Variants in COL4A2 observed in about 807,000 individuals in gnomAD.
COL4A2 encodes the protein collagen type IV alpha 2 chain.
In COL4A2, 99 loss-of-function variants were observed where a neutral mutation model predicts 200.2. The ratio of observed to expected loss-of-function variants is 0.49; its 90% CI spans 0.42 to 0.58. The LOEUF (loss-of-function observed/expected upper bound fraction) is 0.58, where lower values mean the gene tolerates loss of function less well. Among genes scored for constraint, COL4A2 ranks in the 20% least tolerant of loss-of-function variants. The pLI, the probability that COL4A2 is intolerant of heterozygous loss-of-function variation, is 0.00. For synonymous variants in COL4A2, 897 were observed against 900.6 expected, an observed-to-expected ratio of 1.00 and a Z score of 0.07; for missense variants, 1,950 against 2,314.1, an observed-to-expected ratio of 0.84 and a Z score of 3.23.
chr13:110,334,236 A>G (rs1009031023), intron 3 of COL4A2, among the ~76,000 whole-genome samples: 3 of 152,218 alleles, frequency 2.0e-5, no homozygotes, highest in Non-Finnish European at 1.5e-5. Context: ...CCTTCTTGAC[A>G]TTCAGAAAGG....
At chr13:110,401,460 A>G (rs1309053306) in intron 4 of COL4A2, among the ~76,000 whole-genome samples, 1 of 152,246 alleles carries the variant, frequency 6.6e-6, no homozygotes, top group Non-Finnish European at 1.5e-5. Context: ...CTCTGTTTAT[A>G]TGTTTGCCTA....
At chr13:110,314,225 T>A (rs944186088) in intron 3 of COL4A2, among the ~76,000 whole-genome samples, 1 of 152,256 alleles carries the variant, frequency 6.6e-6, no homozygotes, top group African/African-American at 2.4e-5. Flanking sequence ...AGGGACTCTC[T>A]GTACTATCTC....
At chr13:110,410,871 A>C (rs1879803441) in intron 4 of COL4A2, among the ~76,000 whole-genome samples, 1 of 152,160 alleles carries the variant, frequency 6.6e-6, no homozygotes, top group African/African-American at 2.4e-5. Flanking sequence ...TAGCACTTCA[A>C]ATCTGGTACT....
Position 110,428,472 on chromosome 13 carries a change from C to A in COL4A2, c.366C>A (p.His122Gln). The A allele has an allele frequency of 6.4e-7, 1 of 1,573,076 alleles. No individual in the cohort carries two copies. The highest frequency in any genetic ancestry group is 8.6e-7 in the Non-Finnish European group (1 of 1,164,554). ...GFPGADGIPG[H>Q]PGQGGPRGRP... ...CTCACTGCTCTCTTTCCCAGGGACACCCGGGGCAAGGTGGGCCCAGGGGAA... is the reference window on the plus strand; with the variant it reads ...CTCACTGCTCTCTTTCCCAGGGACAACCGGGGCAAGGTGGGCCCAGGGGAA... The change falls in exon 7 of 48, where the codon CAC (histidine) becomes CAA (glutamine). Residue 122 changes from histidine to glutamine, a missense_variant. His to Gln is a conservative substitution (Grantham distance 24). Around this residue, in one of 2 missense-constraint regions of COL4A2, gnomAD observed 565 missense variants for 593.5 expected, o/e 0.95. Coordinates refer to ENST00000360467, the MANE Select transcript of COL4A2 (RefSeq NM_001846.4).
intron 19 of COL4A2, 115 bp downstream of exon 19, chr13:110,449,904 A>G (rs1005208363): frequency 3.0e-5 from 36 of 1,187,078 alleles, no homozygotes; most frequent in Non-Finnish European, 4.1e-5. Flanking sequence ...ACTTTTCCCC[A>G]CTGACTAGTC....
intron 25 of COL4A2, 104 bp from the exon 26 acceptor site, chr13:110,465,899 G>A: frequency 7.3e-7 from 1 of 1,377,566 alleles, no homozygotes; most frequent in South Asian, 1.4e-5. Context: ...GCCCCCACCA[G>A]CAACATATAC....
At chr13:110,377,203 T>G (rs1157399993) in intron 4 of COL4A2, among the ~76,000 whole-genome samples, 5 of 152,004 alleles carry the variant, frequency 3.3e-5, no homozygotes, top group African/African-American at 1.2e-4. Flanking sequence ...GTCACCAGAG[T>G]GCATTGTCAG....
In COL4A2 at chr13:110,506,395, C is replaced by G. The variant is rs373472499; in HGVS notation, c.4403-20C>G. 6 of 1,598,772 alleles carry G rather than the reference C, an allele frequency of 3.8e-6. No homozygotes were observed. The highest frequency in any genetic ancestry group is 3.4e-6 in the Non-Finnish European group (4 of 1,173,238). Reference sequence around the variant, plus strand: ...GCAGGTGCACCAGGCCGTCCACTCTCTCTCTTTCTCGGGCTGCAGGTGCAC... The same window carrying G: ...GCAGGTGCACCAGGCCGTCCACTCTGTCTCTTTCTCGGGCTGCAGGTGCAC... On this transcript the variant is annotated intron_variant, in intron 45 of 47. Transcript: ENST00000360467.
In COL4A2 at chr13:110,473,134, C is replaced by A. The variant is rs780021950; in HGVS notation, c.2409C>A (p.Gly803=). 3 of 1,556,696 alleles carry A rather than the reference C, an allele frequency of 1.9e-6. No homozygotes were observed. Among genetic ancestry groups the A allele is most frequent in the African/African-American group, 1.4e-5 (1 of 73,416 alleles). Residue 803 remains glycine (G), a synonymous_variant, in exon 29 of 48, where the codon GGC becomes GGA. Coordinates refer to ENST00000360467, the MANE Select transcript of COL4A2 (RefSeq NM_001846.4). The part of the protein sequence containing the change: ...PGLKGLPGDR[G]PPGFRGSQGM... ...TTAAAGGCCTTCCCGGAGACAGAGG[C>A]CCCCCTGGATTCAGAGGTGAGTGCC... is the stretch of plus-strand genomic sequence containing the variant.
intron 4 of COL4A2, among the ~76,000 whole-genome samples, chr13:110,357,816 G>C (rs188757445): frequency 4.5e-4 from 68 of 152,320 alleles, no homozygotes; most frequent in African/African-American, 1.6e-3. Flanking sequence ...AAAAGGTACA[G>C]TAAAAAGAAA....
chr13:110,388,677 T>C lies in COL4A2; in HGVS notation c.180+31125T>C, dbSNP rs370352169. Among the ~76,000 whole-genome samples the C allele has an allele frequency of 9.8e-5, 15 of 152,344 alleles. No homozygotes were observed. In the South Asian group the frequency reaches 2.9e-3, roughly 29 times the overall value. On this transcript the variant is annotated intron_variant, in intron 4 of 47. Coordinates refer to ENST00000360467, the MANE Select transcript of COL4A2 (RefSeq NM_001846.4). ...ACCCCTCACATATACGAGGGTTTGATTAGCTCACTGATTGCAGTTTTACTA... is the reference window on the plus strand; with the variant it reads ...ACCCCTCACATATACGAGGGTTTGACTAGCTCACTGATTGCAGTTTTACTA...
rs368901436 is a variant in COL4A2 at position 110,489,803 on chromosome 13, C to A, written c.3346+18C>A. On this transcript the variant is annotated intron_variant, in intron 36 of 47. Transcript: ENST00000360467. ...AATACCAGGTACGCAAGTTATTTTCCTTGTCTTCATCTTCAACAACAGCCC... is the reference window on the plus strand; with the variant it reads ...AATACCAGGTACGCAAGTTATTTTCATTGTCTTCATCTTCAACAACAGCCC... The A allele has an allele frequency of 2.6e-5, 42 of 1,598,348 alleles. No homozygotes were observed. The African/African-American group carries it at 5.3e-4, about 20-fold the overall frequency.
At chr13:110,387,684 C>T (rs932749167) in intron 4 of COL4A2, among the ~76,000 whole-genome samples, 3 of 152,244 alleles carry the variant, frequency 2.0e-5, no homozygotes, top group Admixed American at 6.5e-5. Context: ...TCTAAATACA[C>T]CTCAGCCCGG....
chr13:110,491,339 A>G lies in COL4A2; in HGVS notation c.3453A>G (p.Thr1151=), dbSNP rs1883279748. 1.2e-5 allele frequency: 19 copies of G among 1,574,694 alleles called. No homozygotes were observed. Among genetic ancestry groups the G allele is most frequent in the Non-Finnish European group, 1.6e-5 (19 of 1,156,942 alleles). The change falls in exon 37 of 48, where the codon ACA becomes ACG. Residue 1151 remains threonine, a splice_region_variant and synonymous_variant. Transcript: ENST00000360467. ...GCCCTCCTGGACTTAAAGGACAAAC[A>G]GGTAAAATCTCCCGCAGCCACACAG... ...VQGPPGLKGQ[T]GFPGLTGPPG...
chr13:110,488,790 G>A (rs535474886), intron 34 of COL4A2, among the ~76,000 whole-genome samples: 25 of 152,316 alleles, frequency 1.6e-4, no homozygotes, highest in East Asian at 5.8e-4. Context: ...ATGTGCACGC[G>A]GGAAAGCATG....
At chr13:110,392,801 A>G (rs1414377681) in intron 4 of COL4A2, among the ~76,000 whole-genome samples, 1 of 152,208 alleles carries the variant, frequency 6.6e-6, no homozygotes, top group Admixed American at 6.5e-5. Flanking sequence ...CTTTAACTAT[A>G]AATTAAGTCC....
Position 110,510,616 on chromosome 13 carries a change from CTGTGTGTG to C in COL4A2, c.4882-1308_4882-1301del, listed in dbSNP as rs35675138. On this transcript the variant is annotated intron_variant, in intron 47 of 47. Coordinates refer to ENST00000360467, the MANE Select transcript of COL4A2 (RefSeq NM_001846.4). The stretch of plus-strand genomic sequence containing the variant: ...ATAGGGGTGTGTACACAAGCATGCA[CTGTGTGTG>C]TGTGTGTGTACATGCGTGCATTTGT... 1.1e-4 allele frequency among the ~76,000 whole-genome samples: 16 copies of C among 151,676 alleles called. No individual in the cohort carries two copies. The South Asian group carries it at 2.9e-3, about 28-fold the overall frequency.
At chr13:110,476,879 A>C (rs1882724120) in intron 29 of COL4A2, among the ~76,000 whole-genome samples, 1 of 152,216 alleles carries the variant, frequency 6.6e-6, no homozygotes, top group African/African-American at 2.4e-5. Context: ...GTGCACACAC[A>C]CCCACACACA....
chr13:110,479,710 C>A (rs985235951), intron 30 of COL4A2, among the ~76,000 whole-genome samples: 1 of 152,018 alleles, frequency 6.6e-6, no homozygotes, highest in Non-Finnish European at 1.5e-5. Context: ...TCGGGGGAGG[C>A]GGGAGGACAG....
Sources: allele counts gnomAD v4.1 joint callset (sites outside exome capture counted in the v4.1 genomes callset), GRCh38; gene constraint gnomAD v4.1.1; regional missense constraint gnomAD v4.1.1; transcripts MANE v1.5; gene names NCBI Gene and HGNC (gene_info 2026-07-23, HGNC 2026-07-21).